The following RAD52 variants were observed in gnomAD, a reference collection of about 807,000 sequenced individuals.
RAD52 encodes DNA repair protein RAD52 homolog.
Under a neutral mutation model 55.5 loss-of-function variants are expected in RAD52, and 47 were observed. That is an observed-to-expected ratio of 0.85 (90% CI 0.67 to 1.08). RAD52 has a LOEUF of 1.08. RAD52 is among the 50% of genes least tolerant of loss of function. The pLI is 0.00. For missense variants in RAD52, 468 were observed against 522.8 expected (o/e 0.90, Z 1.02); for synonymous variants, 184 against 198.9 (o/e 0.92, Z 0.63).
At position 986,638 on chromosome 12, in the gene RAD52, T is replaced by C. The variant is rs73031315; in HGVS notation, c.-19+3171A>G. On this transcript the variant is annotated intron_variant, in intron 1 of 11. Coordinates refer to the RAD52 transcript ENST00000430095. ...TCTCAGCCTCCAGAAGTGCTGGGAT[T>C]ACAGATGTGACCTACTGAGCCTAAA... Among the ~76,000 whole-genome samples, 675 of 152,276 alleles carry C rather than the reference T, an allele frequency of 4.4e-3. 4 individuals are homozygous for C. Among genetic ancestry groups the C allele is most frequent in the South Asian group, 0.01 (50 of 4,830 alleles).
intron 7 of RAD52, among the ~76,000 whole-genome samples, chr12:917,770 C>CAAAAAAAAAAA (rs71055103): frequency 9.3e-6 from 1 of 107,358 alleles, no homozygotes; most frequent in Non-Finnish European, 1.8e-5. Context: ...ACTAAAAATA[C>CAAAAAAAAAAA]AAAAAAAAAA....
chr12:929,971 A>G, intron 4 of RAD52, 80 bp downstream of exon 4: 1 of 1,568,850 alleles, frequency 6.4e-7, no homozygotes, highest in South Asian at 1.1e-5. Flanking sequence ...GAGTCCACCT[A>G]CCTTACCTCC....
At chr12:952,688 T>C (rs1157569356), upstream of RAD52, among the ~76,000 whole-genome samples, 1 of 149,942 alleles carries the variant, frequency 6.7e-6, no homozygotes, top group African/African-American at 2.5e-5. Flanking sequence ...CCTGGCCAGT[T>C]CGAGATCAGC....
chr12:913,607 G>C (rs1199755239), intron 11 of RAD52, among the ~76,000 whole-genome samples, 155 bp from the exon 12 acceptor site: 2 of 152,218 alleles, frequency 1.3e-5, no homozygotes, highest in East Asian at 3.9e-4. Context: ...CCTAGACCAA[G>C]TGGCCTCGTG....
At chr12:968,206 G>A (rs1350300505) in intron 1 of RAD52, among the ~76,000 whole-genome samples, 1 of 152,120 alleles carries the variant, frequency 6.6e-6, no homozygotes, top group Non-Finnish European at 1.5e-5. Context: ...CCAAAGGCTT[G>A]CTTGCAGCAA....
At chr12:974,986 A>G (rs1958916644) in intron 1 of RAD52, 1 of 152,186 alleles carries the variant, frequency 6.6e-6, no homozygotes, top group South Asian at 2.1e-4. Context: ...CATGGACCAA[A>G]GATAGGTGAG....
At chr12:972,007 C>CA (rs1228032637) in intron 1 of RAD52, among the ~76,000 whole-genome samples, 1 of 152,166 alleles carries the variant, frequency 6.6e-6, no homozygotes, top group Non-Finnish European at 1.5e-5. Context: ...CTCGGCCTCC[C>CA]AAAGTACCTT....
chr12:957,744 C>T (rs961978365), intron 1 of RAD52, among the ~76,000 whole-genome samples: 8 of 152,130 alleles, frequency 5.3e-5, no homozygotes, highest in South Asian at 2.1e-4. Flanking sequence ...GAGTGGAGAT[C>T]GCGCCACTGC....
intron 5 of RAD52, among the ~76,000 whole-genome samples, chr12:928,465 T>C (rs955527102): frequency 6.0e-5 from 9 of 151,240 alleles, no homozygotes; most frequent in African/African-American, 2.2e-4. Context: ...TGCGGTGAGC[T>C]GAGATTGAAC....
chr12:944,871 G>A (rs1255683800), intron 1 of RAD52, among the ~76,000 whole-genome samples: 2 of 151,532 alleles, frequency 1.3e-5, no homozygotes, highest in Admixed American at 6.6e-5. Flanking sequence ...GTGGAGGGCT[G>A]AAGAAGCATG....
intron 1 of RAD52, among the ~76,000 whole-genome samples, chr12:945,767 G>C (rs2154118679): frequency 6.7e-6 from 1 of 148,518 alleles, no homozygotes; most frequent in African/African-American, 2.5e-5. Context: ...TGGGAACCCA[G>C]TAATCCCAGC....
At chr12:977,124 A>G (rs1488511473) in intron 1 of RAD52, 1 of 152,232 alleles carries the variant, frequency 6.6e-6, no homozygotes, top group Non-Finnish European at 1.5e-5. Context: ...AAATAAAAGC[A>G]CACATGTAAG....
chr12:923,222 TA>T (rs36095351), intron 7 of RAD52, among the ~76,000 whole-genome samples: 14 of 144,922 alleles, frequency 9.7e-5, no homozygotes, highest in East Asian at 4.0e-4. Context: ...ACTCACCTCT[TA>T]AAAAAAAAAG....
intron 1 of RAD52, among the ~76,000 whole-genome samples, chr12:983,200 A>G (rs1959042569): frequency 6.6e-6 from 1 of 151,962 alleles, no homozygotes; most frequent in Non-Finnish European, 1.5e-5. Context: ...CTCTCTACCC[A>G]TTATCCAGTT....
intron 1 of RAD52, among the ~76,000 whole-genome samples, chr12:965,188 C>T (rs1301314714): frequency 6.6e-6 from 1 of 151,870 alleles, no homozygotes; most frequent in Admixed American, 6.6e-5. Context: ...CCATGTTGGC[C>T]AGGTTGGTCT....
intron 7 of RAD52, among the ~76,000 whole-genome samples, chr12:923,573 TAAA>T (rs368376156): frequency 7.4e-6 from 1 of 135,430 alleles, no homozygotes; most frequent in Non-Finnish European, 1.6e-5. Context: ...TAAAATAAAT[TAAA>T]AAAAAAAAAA....
intron 2 of RAD52, among the ~76,000 whole-genome samples, chr12:932,282 G>A (rs1957362806): frequency 2.6e-5 from 4 of 152,168 alleles, no homozygotes; most frequent in Non-Finnish European, 5.9e-5. Context: ...ATCACCTGAG[G>A]TCAGGAGTTC....
intron 7 of RAD52, among the ~76,000 whole-genome samples, chr12:919,471 C>T (rs948144404): frequency 2.0e-5 from 3 of 151,434 alleles, no homozygotes. Flanking sequence ...TGGGGCCAGG[C>T]TCAGTGGCTC....
intron 5 of RAD52, among the ~76,000 whole-genome samples, chr12:928,933 CAGCTCA>C (rs376997431): frequency 2.5e-3 from 385 of 152,282 alleles, no homozygotes; most frequent in African/African-American, 8.7e-3. Context: ...GGCGCAATCA[CAGCTCA>C]CCACAGCCTC....
Sources: gnomAD v4.1 joint callset for allele counts (sites outside exome capture counted in the v4.1 genomes callset) on GRCh38, gnomAD v4.1.1 for gene constraint, MANE v1.5 for transcripts, NCBI Gene and HGNC (gene_info 2026-07-23, HGNC 2026-07-21) for gene names.